F8: variants seen among roughly 807,000 people sequenced by gnomAD.
F8 encodes coagulation factor VIII, also known as antihemophilic factor.
Under a neutral mutation model 140.6 loss-of-function variants are expected in F8, and 12 were observed. The ratio of observed to expected loss-of-function variants is 0.09; its 90% CI spans 0.05 to 0.14. The LOEUF is 0.14. F8 is among the 10% of genes least tolerant of loss of function. The pLI, the probability that F8 is intolerant of heterozygous loss-of-function variation, is 1.00. For synonymous variants in F8, 585 were observed against 614.6 expected, an observed-to-expected ratio of 0.95 and a Z score of 0.71; for missense variants, 1,354 against 1,720.7, an observed-to-expected ratio of 0.79 and a Z score of 3.77.
intron 1 of F8, among the ~76,000 whole-genome samples, chrX:155,008,685 T>TG (rs1429459713): frequency 9.1e-6 from 1 of 110,404 alleles, no homozygotes; most frequent in Non-Finnish European, 1.9e-5. Context: ...ATGTTGCCTG[T>TG]GGGGGCCACG....
chrX:154,968,751 C>T (rs781859063), intron 7 of F8, among the ~76,000 whole-genome samples: 17 of 111,328 alleles, frequency 1.5e-4, no homozygotes, highest in Non-Finnish European at 2.5e-4. Context: ...CTGACCTGCC[C>T]TCAGTTTCAC....
chrX:154,867,774 G>A (rs1026342611), intron 22 of F8, among the ~76,000 whole-genome samples: 2 of 107,656 alleles, frequency 1.9e-5, no homozygotes, highest in Admixed American at 1.0e-4. Flanking sequence ...TGATGAACAC[G>A]GATACAAAAA....
In F8 at chrX:154,896,139, T is replaced by C; in HGVS notation, c.6367A>G (p.Met2123Val). 2 of 1,210,448 alleles carry C rather than the reference T, an allele frequency of 1.7e-6. No individual in the cohort carries two copies. Among genetic ancestry groups the C allele is most frequent in the Non-Finnish European group, 2.2e-6 (2 of 894,444 alleles). Reference sequence around the variant, plus strand: ...CACTTCTTCCCATCAAGACTATACATGATGATAAACTGAGAGATGTAGAGG... The same window carrying C: ...CACTTCTTCCCATCAAGACTATACACGATGATAAACTGAGAGATGTAGAGG... ...SSLYISQFII[M>V]YSLDGKKWQT... is the part of the protein sequence containing the mutation. The change falls in exon 22 of 26, where the codon ATG (methionine) becomes GTG (valine). Residue 2123 changes from methionine (M) to valine (V), a missense_variant. By Grantham distance (21) the Met-to-Val change is conservative. Around this residue, in one of 4 missense-constraint regions of F8, gnomAD observed 316 missense variants for 485.4 expected, o/e 0.65. Coordinates refer to ENST00000360256, the MANE Select transcript of F8 (RefSeq NM_000132.4).
chrX:154,913,575 G>A (rs1403094539), intron 14 of F8, among the ~76,000 whole-genome samples: 1 of 112,582 alleles, frequency 8.9e-6, no homozygotes, highest in Non-Finnish European at 1.9e-5. Context: ...ACAGGCATTG[G>A]GTAAATACAC....
Position 154,904,819 on chromosome X carries a change from C to T in F8, c.5578G>A (p.Val1860Ile), listed in dbSNP as rs781782869. The T allele has an allele frequency of 3.3e-5, 40 of 1,208,788 alleles. No homozygotes were observed. The highest frequency in any genetic ancestry group is 1.0e-4 in the African/African-American group (6 of 57,208). ...AATAGACACCTGCTTACCAGGTCAACATCAGAGAAATAAGCCCAGGCTTTG... is the reference window on the plus strand; with the variant it reads ...AATAGACACCTGCTTACCAGGTCAATATCAGAGAAATAAGCCCAGGCTTTG... ...DCKAWAYFSD[V>I]DLEKDVHSGL... The change falls in exon 16 of 26, where the codon GTT becomes ATT. Residue 1860 changes from valine to isoleucine, a missense_variant. Physicochemically the swap from Val to Ile is conservative, Grantham distance 29. Transcript: ENST00000360256.
rs1460834633 is a variant in F8 at position 154,993,037 on chromosome X, G to A, written c.500C>T (p.Ala167Val). 8 of 1,211,282 alleles carry A rather than the reference G, an allele frequency of 6.6e-6. No homozygotes were observed. The South Asian group carries it at 1.1e-4, about 16-fold the overall frequency. The change falls in exon 4 of 26, where the codon GCC (alanine) becomes GTC (valine). Residue 167 changes from alanine (A) to valine (V), a missense_variant. Ala to Val is a moderately conservative substitution (Grantham distance 64). Coordinates refer to ENST00000360256, the MANE Select transcript of F8 (RefSeq NM_000132.4). Reference protein sequence around the residue: ...WQVLKENGPMASDPLCLTYSY... With the variant: ...WQVLKENGPMVSDPLCLTYSY... ...GTAGGTAAGGCACAGTGGGTCAGAG[G>A]CCATTGGACCATTCTCTTTCAGGAC...
intron 11 of F8, among the ~76,000 whole-genome samples, chrX:154,955,688 T>C (rs2073361696): frequency 9.0e-6 from 1 of 110,811 alleles, no homozygotes; most frequent in Non-Finnish European, 1.9e-5. Flanking sequence ...TTATTAGTGA[T>C]TTTCAAAGGG....
In F8 at chrX:154,838,615, T is replaced by G. The variant is rs781788260; in HGVS notation, c.6901-863A>C. 6.3e-5 allele frequency among the ~76,000 whole-genome samples: 7 copies of G among 111,836 alleles called. No individual in the cohort carries two copies. In the East Asian group the frequency reaches 2.0e-3, roughly 31 times the overall value. On this transcript the variant is annotated intron_variant, in intron 25 of 25. Coordinates refer to ENST00000360256, the MANE Select transcript of F8 (RefSeq NM_000132.4). ...AAAAGGAGGCAACTTGCCACCAAAA[T>G]GGGAAAGAAGTGGTTAAACAGCAAC...
chrX:154,900,091 G>T, intron 20 of F8, 140 bp from the exon 21 acceptor site: 2 of 477,851 alleles, frequency 4.2e-6, no homozygotes, highest in Non-Finnish European at 7.1e-6. Flanking sequence ...TGGCATACCA[G>T]TATCAATTAC....
chrX:154,922,034 G>T (rs1172948047), intron 14 of F8, among the ~76,000 whole-genome samples: 2 of 111,660 alleles, frequency 1.8e-5, no homozygotes, highest in Non-Finnish European at 3.8e-5. Flanking sequence ...ATAATAAAAA[G>T]AAACAAAAAC....
At chrX:154,876,143 G>A (rs1218081283) in intron 22 of F8, among the ~76,000 whole-genome samples, 3 of 94,269 alleles carry the variant, frequency 3.2e-5, no homozygotes, top group South Asian at 5.3e-4. Context: ...TTTTTGAGAC[G>A]GAGTCTCGCT....
chrX:155,020,048 T>A (rs2073752471), intron 1 of F8, among the ~76,000 whole-genome samples: 1 of 111,707 alleles, frequency 9.0e-6, no homozygotes, highest in African/African-American at 3.3e-5. Flanking sequence ...TTAACAGTTT[T>A]ATGTGGAAGA....
At chrX:154,926,529 C>T (rs1442737779) in intron 14 of F8, among the ~76,000 whole-genome samples, 2 of 110,974 alleles carry the variant, frequency 1.8e-5, no homozygotes, top group Non-Finnish European at 3.8e-5. Flanking sequence ...GTGTGCACCA[C>T]CACGCCTGGC....
At position 154,835,908 on chromosome X, in the gene F8, T is replaced by C. The variant is rs1255020462; in HGVS notation, c.*1689A>G. The C allele has an allele frequency of 4.5e-5, 5 of 112,230 alleles. No homozygotes were observed. The highest frequency in any genetic ancestry group is 1.3e-4 in the African/African-American group (4 of 30,885). 9.2% of individuals were successfully genotyped at this position (112,230 alleles called of 1,213,427 possible). A position where few individuals can be genotyped will look rare whatever the true frequency, so the allele number is the denominator to read the frequency against. ...ATGTATATAGTCAATGGGAAAAGAA[T>C]GCCAAAATAAGATTATCAAGTTAAA... On this transcript the variant is annotated 3_prime_UTR_variant, in exon 26 of 26. Transcript: ENST00000360256.
At chrX:154,860,209 A>T (rs1246133034) in intron 25 of F8, among the ~76,000 whole-genome samples, 1 of 111,595 alleles carries the variant, frequency 9.0e-6, no homozygotes, top group African/African-American at 3.3e-5. Flanking sequence ...GATGAGGAGA[A>T]TTAACTCTTG....
intron 14 of F8, among the ~76,000 whole-genome samples, chrX:154,925,790 C>G (rs2073157147): frequency 8.9e-6 from 1 of 112,491 alleles, no homozygotes; most frequent in Non-Finnish European, 1.9e-5. Flanking sequence ...GTGGAAGGGA[C>G]TTGCCTTGTC....
In F8 at chrX:154,986,343, T is replaced by G. The variant is rs1057099373; in HGVS notation, c.670+894A>C. On this transcript the variant is annotated intron_variant, in intron 5 of 25. Coordinates refer to ENST00000360256, the MANE Select transcript of F8 (RefSeq NM_000132.4). ...TCTGGCTTTATCACCCAGGCTGGAG[T>G]GCAGTGGCGCAATCACAGCTCACTG... is the stretch of plus-strand genomic sequence containing the variant. Among the ~76,000 whole-genome samples the G allele has an allele frequency of 7.2e-5, 8 of 111,796 alleles. No individual in the cohort carries two copies. The South Asian group carries it at 1.5e-3, about 21-fold the overall frequency.
chrX:154,881,462 C>T (rs1380173711), intron 22 of F8, among the ~76,000 whole-genome samples: 6 of 107,025 alleles, frequency 5.6e-5, no homozygotes, highest in African/African-American at 1.8e-4. Context: ...ATTCTTTCAA[C>T]GAAATGTTTA....
chrX:154,847,854 G>A (rs2072581761), intron 25 of F8, among the ~76,000 whole-genome samples: 1 of 113,058 alleles, frequency 8.8e-6, no homozygotes, highest in Admixed American at 9.3e-5. Flanking sequence ...TGGAGTAGGA[G>A]AGGTACTCTG....
Sources: allele counts gnomAD v4.1 joint callset (sites outside exome capture counted in the v4.1 genomes callset), GRCh38; gene constraint gnomAD v4.1.1; regional missense constraint gnomAD v4.1.1; transcripts MANE v1.5; gene names NCBI Gene and HGNC (gene_info 2026-07-23, HGNC 2026-07-21).